Variants in GDF1 observed in about 807,000 individuals in gnomAD.
GDF1 encodes embryonic growth/differentiation factor 1.
A neutral mutation model predicts 7.4 loss-of-function variants in GDF1; 8 were observed. The ratio of observed to expected loss-of-function variants is 1.09; its 90% CI spans 0.64 to 1.96. The LOEUF is 1.96. GDF1 is among the 30% of genes most tolerant of loss of function. The pLI is 0.00. For missense variants in GDF1, 574 were observed against 551.5 expected (o/e 1.04, Z -0.41); for synonymous variants, 311 against 276.7 (o/e 1.12, Z -1.23).
At chr19:18,882,769 TGCAACCTCCGCCTCCCG>T (rs1283362654) in intron 3 of GDF1, among the ~76,000 whole-genome samples, 12 of 152,150 alleles carry the variant, frequency 7.9e-5, no homozygotes, top group Non-Finnish European at 1.3e-4. Flanking sequence ...CTCGGCTCAC[TGCAACCTCCGCCTCCCG>T]GGTTCATGCC....
rs1368363383 is a variant in GDF1, at chr19:18,868,795, C to T, written c.921G>A (p.Ser307=). The T allele has an allele frequency of 1.4e-6, 2 of 1,457,732 alleles. No homozygotes were observed. The highest frequency in any genetic ancestry group is 2.2e-5 in the Admixed American group (1 of 45,564). 90.3% of individuals were successfully genotyped at this position (1,457,732 alleles called of 1,614,324 possible). The change falls in exon 8 of 8, where the codon TCG becomes TCA. Residue 307 remains serine (S), a synonymous_variant. Coordinates refer to ENST00000247005, the MANE Select transcript of GDF1 (RefSeq NM_001492.6). ...QGQCALPVAL[S]GSGGPPALNH... ...TGAGCGCCGGCGGCCCCCCGGACCC[C>T]GACAGCGCGACGGGCAGCGCGCACT...
At position 18,880,445 on chromosome 19, in the gene GDF1, C is replaced by G. The variant is rs781249751; in HGVS notation, c.-732-10G>C. ...GCCCACATTGTGGTACCTGGGGGAG[C>G]AGCAGGCAGAGAGGAGAGGGCAGCT... On this transcript the variant is annotated splice_polypyrimidine_tract_variant and intron_variant, in intron 3 of 7. Coordinates refer to ENST00000247005, the MANE Select transcript of GDF1 (RefSeq NM_001492.6). 9.5e-6 allele frequency: 15 copies of G among 1,574,980 alleles called. No individual in the cohort carries two copies. The highest frequency in any genetic ancestry group is 2.6e-6 in the Non-Finnish European group (3 of 1,157,484).
rs2055952734 is a variant in GDF1, at chr19:18,870,684, G to A, written c.-312-65C>T. ...ACGCGGCCGCCTGGCCCTCTTTCCCGCTTCTTCTCTGGCCGTTTCACACCC... is the reference window on the plus strand; with the variant it reads ...ACGCGGCCGCCTGGCCCTCTTTCCCACTTCTTCTCTGGCCGTTTCACACCC... On this transcript the variant is annotated intron_variant, in intron 6 of 7. Transcript: ENST00000247005. This position sits in a 1 kb window ranked among gnomAD's most constrained non-coding sequence, Gnocchi z 5.1. 3.9e-6 allele frequency: 2 copies of A among 507,660 alleles called. No individual in the cohort carries two copies. The highest frequency in any genetic ancestry group is 7.1e-6 in the Non-Finnish European group (2 of 280,330). The allele number at this position is 507,660 out of a possible 1,614,324, so 31.4% of individuals were successfully genotyped here.
In GDF1 at chr19:18,896,035, G is replaced by A; in HGVS notation, c.-1285C>T. ...CTGCGCGTAGCTCGGCATGGGCTCG[G>A]GCCCCGTCGGCCCCGCCGCGGGCCC... On this transcript the variant is annotated 5_prime_UTR_variant, in exon 1 of 8. Coordinates refer to ENST00000247005, the MANE Select transcript of GDF1 (RefSeq NM_001492.6). The surrounding 1 kb of genome is among the most constrained non-coding windows in gnomAD (Gnocchi z 5.9). 1 of 989,956 alleles carries A rather than the reference G, an allele frequency of 1.0e-6. No homozygotes were observed. The highest frequency in any genetic ancestry group is 1.2e-6 in the Non-Finnish European group (1 of 834,648). The allele number at this position is 989,956 out of a possible 1,614,324, so 61.3% of individuals were successfully genotyped here. A position where few individuals can be genotyped will look rare whatever the true frequency, so the allele number is the denominator to read the frequency against.
intron 2 of GDF1, among the ~76,000 whole-genome samples, chr19:18,886,638 G>A (rs1452279690): frequency 6.6e-6 from 1 of 152,174 alleles, no homozygotes; most frequent in Non-Finnish European, 1.5e-5. Context: ...GGAACTCTCT[G>A]GGTTGCTCCC....
In GDF1 at chr19:18,870,366, G is replaced by T; in HGVS notation, c.-59C>A. The T allele has an allele frequency of 6.5e-7, 1 of 1,535,988 alleles. No homozygotes were observed. Among genetic ancestry groups the T allele is most frequent in the South Asian group, 1.2e-5 (1 of 83,432 alleles). ...GGTCCGCGGCGGCCCGGGACCAGTG[G>T]GCTGAGGGCGGGGCCGGTGTCCCCG... On this transcript the variant is annotated 5_prime_UTR_variant, in exon 7 of 8. Coordinates refer to ENST00000247005, the MANE Select transcript of GDF1 (RefSeq NM_001492.6). This position sits in a 1 kb window ranked among gnomAD's most constrained non-coding sequence, Gnocchi z 5.1.
At position 18,895,043 on chromosome 19, in the gene GDF1, G is replaced by A. The variant is rs1601195672; in HGVS notation, c.-1074+781C>T. ...CCATCATGGTCACTCTCTCGCAGGGGCGATGGTCTCCGCAGAAACTGGGGA... is the reference window on the plus strand; with the variant it reads ...CCATCATGGTCACTCTCTCGCAGGGACGATGGTCTCCGCAGAAACTGGGGA... On this transcript the variant is annotated intron_variant, in intron 1 of 7. Transcript: ENST00000247005. This position sits in a 1 kb window ranked among gnomAD's most constrained non-coding sequence, Gnocchi z 6.4. Among the ~76,000 whole-genome samples, 1 of 152,222 alleles carries A rather than the reference G, an allele frequency of 6.6e-6. No homozygotes were observed. The highest frequency in any genetic ancestry group is 1.5e-5 in the Non-Finnish European group (1 of 68,036).
chr19:18,893,259 G>C (rs889219499), intron 2 of GDF1, among the ~76,000 whole-genome samples, 157 bp downstream of exon 2: 1 of 152,176 alleles, frequency 6.6e-6, no homozygotes, highest in African/African-American at 2.4e-5. Flanking sequence ...CTGTCGTCCA[G>C]GCTGGAGTGC....
At chr19:18,888,519 T>TAAAA (rs781426705) in intron 2 of GDF1, among the ~76,000 whole-genome samples, 8 of 59,048 alleles carry the variant, frequency 1.4e-4, no homozygotes, top group African/African-American at 5.3e-4. Flanking sequence ...CCCTGTCTCT[T>TAAAA]AAAAAAAAAA....
rs754254557 is a variant in GDF1, at chr19:18,893,510, C to T, written c.-1008G>A. On this transcript the variant is annotated 5_prime_UTR_variant, in exon 2 of 8. Transcript: ENST00000247005. ...TCCAGCTGCCCAGGTAGAAGAGAAA[C>T]TTCCAAGCGCTCTCGGGCATCTTGG... 6.2e-7 allele frequency: 1 copy of T among 1,610,324 alleles called. No homozygotes were observed. The highest frequency in any genetic ancestry group is 8.5e-7 in the Non-Finnish European group (1 of 1,178,600).
At chr19:18,877,151 G>A (rs1601158334) in intron 6 of GDF1, among the ~76,000 whole-genome samples, 2 of 152,222 alleles carry the variant, frequency 1.3e-5, no homozygotes, top group Admixed American at 6.5e-5. Flanking sequence ...ATCACAGGGT[G>A]TTCCCTGATA....
At chr19:18,890,783 GAAAAAAAAA>G (rs35488506) in intron 2 of GDF1, among the ~76,000 whole-genome samples, 2 of 99,766 alleles carry the variant, frequency 2.0e-5, no homozygotes, top group Non-Finnish European at 3.8e-5. Flanking sequence ...CGCGTCTGGG[GAAAAAAAAA>G]AAAAAAAAAA....
At chr19:18,880,822 G>T (rs895193926) in intron 3 of GDF1, among the ~76,000 whole-genome samples, 2 of 151,850 alleles carry the variant, frequency 1.3e-5, no homozygotes, top group Non-Finnish European at 2.9e-5. Context: ...CTCAGCCCCC[G>T]GAGAAGCTGG....
At chr19:18,876,108 C>T (rs1217129047) in intron 6 of GDF1, among the ~76,000 whole-genome samples, 2 of 152,206 alleles carry the variant, frequency 1.3e-5, no homozygotes, top group Non-Finnish European at 2.9e-5. Flanking sequence ...CCTCAGCCTC[C>T]TGAGTAGCTG....
At chr19:18,874,942 T>A (rs1011972643) in intron 6 of GDF1, among the ~76,000 whole-genome samples, 2 of 152,130 alleles carry the variant, frequency 1.3e-5, no homozygotes, top group African/African-American at 4.8e-5. Flanking sequence ...CAATCCTGAT[T>A]GAATTTTCGG....
Position 18,895,385 on chromosome 19 carries a change from T to G in GDF1, c.-1074+439A>C, listed in dbSNP as rs1163220343. Among the ~76,000 whole-genome samples, 1 of 152,034 alleles carries G rather than the reference T, an allele frequency of 6.6e-6. No individual in the cohort carries two copies. The highest frequency in any genetic ancestry group is 1.5e-5 in the Non-Finnish European group (1 of 67,984). Reference sequence around the variant, plus strand: ...GGCCGCGGTGCGCCGAGCCCTCCCGTTCCCGGTCCTGGGCTTCTCAGTGTC... The same window carrying G: ...GGCCGCGGTGCGCCGAGCCCTCCCGGTCCCGGTCCTGGGCTTCTCAGTGTC... On this transcript the variant is annotated intron_variant, in intron 1 of 7. Coordinates refer to ENST00000247005, the MANE Select transcript of GDF1 (RefSeq NM_001492.6). The surrounding 1 kb of genome is among the most constrained non-coding windows in gnomAD (Gnocchi z 6.4).
rs1253756196 is a variant in GDF1 at position 18,895,859 on chromosome 19, C to A, written c.-1109G>T. 2 of 1,283,000 alleles carry A rather than the reference C, an allele frequency of 1.6e-6. 1 individual carries two copies. The highest frequency in any genetic ancestry group is 8.3e-5 in the Admixed American group (2 of 23,976). 79.5% of individuals were successfully genotyped at this position (1,283,000 alleles called of 1,614,324 possible). A position where few individuals can be genotyped will look rare whatever the true frequency, so the allele number is the denominator to read the frequency against. ...CGCGCAGTGGCCGCGGAGCGCAGGGCGGTCCAGCCCAGCGCGCCGAGCGCC... is the reference window on the plus strand; with the variant it reads ...CGCGCAGTGGCCGCGGAGCGCAGGGAGGTCCAGCCCAGCGCGCCGAGCGCC... On this transcript the variant is annotated 5_prime_UTR_variant, in exon 1 of 8. Transcript: ENST00000247005. This position sits in a 1 kb window ranked among gnomAD's most constrained non-coding sequence, Gnocchi z 6.4.
At chr19:18,887,446 CTG>C (rs1348706122) in intron 2 of GDF1, among the ~76,000 whole-genome samples, 3 of 152,300 alleles carry the variant, frequency 2.0e-5, no homozygotes, top group South Asian at 4.1e-4. Flanking sequence ...TTGAACAACA[CTG>C]TGAATGGACT....
At chr19:18,877,756 C>CAAAAA (rs386388683) in intron 6 of GDF1, among the ~76,000 whole-genome samples, 2 of 103,946 alleles carry the variant, frequency 1.9e-5, no homozygotes, top group Admixed American at 1.1e-4. Flanking sequence ...GACCCTGTCT[C>CAAAAA]AAAAAAAAAA....
Sources: allele counts gnomAD v4.1 joint callset (sites outside exome capture counted in the v4.1 genomes callset), GRCh38; gene constraint gnomAD v4.1.1; non-coding constraint Gnocchi (gnomAD v3.1); transcripts MANE v1.5; gene names NCBI Gene and HGNC (gene_info 2026-07-23, HGNC 2026-07-21).